PCDHGB1: variants seen among roughly 807,000 people sequenced by gnomAD.
The protein encoded by PCDHGB1 is protocadherin gamma subfamily B, 1.
Under a neutral mutation model 56.6 loss-of-function variants are expected in PCDHGB1, and 34 were observed. That is an observed-to-expected ratio of 0.60 (90% CI 0.46 to 0.80). The LOEUF (loss-of-function observed/expected upper bound fraction) is 0.80. PCDHGB1 is among the 30% of genes least tolerant of loss of function. The pLI is 0.00. For synonymous variants in PCDHGB1, 561 were observed against 505.9 expected, an observed-to-expected ratio of 1.11 and a Z score of -1.46; for missense variants, 1,278 against 1,204.6, an observed-to-expected ratio of 1.06 and a Z score of -0.90.
At chr5:141,384,244 C>T in intron 1 of PCDHGB1, 1 of 1,613,828 alleles carries the variant, frequency 6.2e-7, no homozygotes, top group Middle Eastern at 1.6e-4. Flanking sequence ...CAACGATAAC[C>T]CACCCACCTT....
intron 1 of PCDHGB1, chr5:141,415,500 C>G (rs754684999): frequency 6.2e-6 from 10 of 1,614,074 alleles, no homozygotes; most frequent in Non-Finnish European, 8.5e-6. Context: ...TGATCTTCCC[C>G]CAGCCCAATT....
intron 1 of PCDHGB1, chr5:141,410,151 G>A: frequency 6.2e-7 from 1 of 1,613,018 alleles, no homozygotes; most frequent in Non-Finnish European, 8.5e-7. Flanking sequence ...CGTGACGGTG[G>A]ACAGCCGCCA....
At chr5:141,473,369 G>A (rs888984972) in intron 1 of PCDHGB1, among the ~76,000 whole-genome samples, 1 of 152,200 alleles carries the variant, frequency 6.6e-6, no homozygotes, top group African/African-American at 2.4e-5. Context: ...CACCAAAATA[G>A]CATGGTCCCT....
Position 141,505,409 on chromosome 5 carries a change from G to T in PCDHGB1, c.2485G>T (p.Asp829Tyr). The change falls in exon 3 of 4, where the codon GAC (aspartate) becomes TAC (tyrosine). Residue 829 changes from aspartate to tyrosine, a missense_variant. Asp to Tyr is a radical substitution (Grantham distance 160). Transcript: ENST00000523390. ...PGTSGSQNGD[D>Y]TGTWPNNQFD... Reference sequence around the variant, plus strand: ...TCTCCCCAGCTCCCAAAATGGCGATGACACCGGCACCTGGCCCAACAACCA... The same window carrying T: ...TCTCCCCAGCTCCCAAAATGGCGATTACACCGGCACCTGGCCCAACAACCA... 6.2e-7 allele frequency: 1 copy of T among 1,614,200 alleles called. No individual in the cohort carries two copies. Among genetic ancestry groups the T allele is most frequent in the Non-Finnish European group, 8.5e-7 (1 of 1,180,048 alleles).
In PCDHGB1 at chr5:141,431,023, C is replaced by T. The variant is rs374655655; in HGVS notation, c.2410-63784C>T. 1 of 1,613,748 alleles carries T rather than the reference C, an allele frequency of 6.2e-7. No homozygotes were observed. On this transcript the variant is annotated intron_variant, in intron 1 of 3. Coordinates refer to ENST00000523390, the MANE Select transcript of PCDHGB1 (RefSeq NM_018922.3). This position sits in a 1 kb window ranked among gnomAD's most constrained non-coding sequence, Gnocchi z 4.8. Reference sequence around the variant, plus strand: ...GCAGCGGCAGCTTGGTCACGGCGGGCAGGATAGACCGGGAGGAGCTCTGTA... The same window carrying T: ...GCAGCGGCAGCTTGGTCACGGCGGGTAGGATAGACCGGGAGGAGCTCTGTA...
At chr5:141,472,980 C>CAAAAAA (rs60579131) in intron 1 of PCDHGB1, among the ~76,000 whole-genome samples, 7 of 86,100 alleles carry the variant, frequency 8.1e-5, no homozygotes, top group South Asian at 4.3e-4. Context: ...GAGTGAAACT[C>CAAAAAA]AAAAAAAAAA....
At chr5:141,414,502 A>G in intron 1 of PCDHGB1, 1 of 1,613,944 alleles carries the variant, frequency 6.2e-7, no homozygotes, top group South Asian at 1.1e-5. Flanking sequence ...AGCTCACTTT[A>G]TGCTACAAGT....
chr5:141,488,222 G>A (rs1351438124), intron 1 of PCDHGB1, among the ~76,000 whole-genome samples: 1 of 152,104 alleles, frequency 6.6e-6, no homozygotes, highest in Admixed American at 6.5e-5. Flanking sequence ...TCCCTACTGG[G>A]GATTTGAACT....
chr5:141,428,121 G>A (rs764584436), intron 1 of PCDHGB1: 2 of 1,605,742 alleles, frequency 1.2e-6, no homozygotes, highest in Admixed American at 1.7e-5. Flanking sequence ...CATCGAGCCC[G>A]GGCTTTTCAG....
intron 1 of PCDHGB1, among the ~76,000 whole-genome samples, chr5:141,368,503 C>T (rs1016436156): frequency 3.3e-5 from 5 of 151,860 alleles, no homozygotes; most frequent in African/African-American, 7.3e-5. Flanking sequence ...CAGTAGGTGT[C>T]GACATTATTC....
chr5:141,431,126 G>A lies in PCDHGB1; in HGVS notation c.2410-63681G>A, dbSNP rs2097344901. The A allele has an allele frequency of 2.5e-6, 4 of 1,614,114 alleles. No individual in the cohort carries two copies. Among genetic ancestry groups the A allele is most frequent in the Non-Finnish European group, 3.4e-6 (4 of 1,180,038 alleles). On this transcript the variant is annotated intron_variant, in intron 1 of 3. Coordinates refer to ENST00000523390, the MANE Select transcript of PCDHGB1 (RefSeq NM_018922.3). The surrounding 1 kb of genome is among the most constrained non-coding windows in gnomAD (Gnocchi z 4.8). ...GAAAATATATGGAGTAGAAGTAGAA[G>A]TAAGGGACATTAACGACAATGCGCC... is the stretch of plus-strand genomic sequence containing the variant.
chr5:141,477,263 G>A lies in PCDHGB1; in HGVS notation c.2410-17544G>A, dbSNP rs543767777. 1.4e-5 allele frequency: 23 copies of A among 1,614,192 alleles called. No individual in the cohort carries two copies. The highest frequency in any genetic ancestry group is 1.8e-5 in the Non-Finnish European group (21 of 1,180,046). On this transcript the variant is annotated intron_variant, in intron 1 of 3. Transcript: ENST00000523390. The surrounding 1 kb of genome is among the most constrained non-coding windows in gnomAD (Gnocchi z 4.9). The stretch of plus-strand genomic sequence containing the variant: ...CAGTGTGACTGACCTGGATGCTGGC[G>A]AGAACGGGCTGGTGACCTGCGAAGT...
intron 1 of PCDHGB1, chr5:141,409,079 T>C (rs2095221320): frequency 2.5e-6 from 4 of 1,613,908 alleles, no homozygotes; most frequent in Non-Finnish European, 3.4e-6. Context: ...ACATATGTTC[T>C]CATTGGATGA....
In PCDHGB1 at chr5:141,351,336, G is replaced by C; in HGVS notation, c.1076G>C (p.Gly359Ala). The C allele has an allele frequency of 6.2e-7, 1 of 1,613,598 alleles. No homozygotes were observed. The highest frequency in any genetic ancestry group is 8.5e-7 in the Non-Finnish European group (1 of 1,179,712). Residue 359 changes from glycine to alanine, a missense_variant, in exon 1 of 4, where the codon GGA (glycine) becomes GCA (alanine). Gly to Ala is a moderately conservative substitution (Grantham distance 60, BLOSUM62 0). Coordinates refer to ENST00000523390, the MANE Select transcript of PCDHGB1 (RefSeq NM_018922.3). ...CAGATTCCAGAGGATTCAGACCTTG[G>C]AACTGTAATAGCCCTCATAAAAGTG... ...SNQIPEDSDL[G>A]TVIALIKVRD... is the part of the protein sequence containing the mutation.
Position 141,360,020 on chromosome 5 carries a change from G to T in PCDHGB1, c.2409+7351G>T. The T allele has an allele frequency of 4.6e-6, 6 of 1,294,416 alleles. No individual in the cohort carries two copies. The South Asian group carries it at 9.7e-5, about 21-fold the overall frequency. 80.2% of individuals were successfully genotyped at this position (1,294,416 alleles called of 1,614,324 possible). On this transcript the variant is annotated intron_variant, in intron 1 of 3. Transcript: ENST00000523390. ...TGCACAAACCAACCACACAGAGAAGGCCAGTATAGATTCGGAAACAGAAAA... is the reference window on the plus strand; with the variant it reads ...TGCACAAACCAACCACACAGAGAAGTCCAGTATAGATTCGGAAACAGAAAA...
At chr5:141,365,801 C>G in intron 1 of PCDHGB1, 1 of 1,613,966 alleles carries the variant, frequency 6.2e-7, no homozygotes, top group Non-Finnish European at 8.5e-7. Context: ...CACCTACTCC[C>G]TGGCTGAAGA....
chr5:141,357,471 C>G, intron 1 of PCDHGB1: 2 of 1,614,206 alleles, frequency 1.2e-6, no homozygotes, highest in East Asian at 2.2e-5. Context: ...CCCACGAGGT[C>G]TCCCTCACCG....
intron 2 of PCDHGB1, among the ~76,000 whole-genome samples, chr5:141,495,452 C>G (rs543717781): frequency 1.3e-5 from 2 of 152,356 alleles, no homozygotes; most frequent in South Asian, 2.1e-4. Context: ...TTGTCCTGCT[C>G]TCTGTCTGTG....
intron 1 of PCDHGB1, among the ~76,000 whole-genome samples, chr5:141,475,035 G>T (rs983190948): frequency 2.0e-5 from 3 of 152,132 alleles, no homozygotes. Context: ...GTGACTAAAG[G>T]CTTTGTATTT....
Sources: allele counts gnomAD v4.1 joint callset (sites outside exome capture counted in the v4.1 genomes callset), GRCh38; gene constraint gnomAD v4.1.1; non-coding constraint Gnocchi (gnomAD v3.1); transcripts MANE v1.5; gene names NCBI Gene and HGNC (gene_info 2026-07-23, HGNC 2026-07-21).